ZNF423: variants seen among roughly 807,000 people sequenced by gnomAD.
The protein encoded by ZNF423 is zinc finger protein 423.
ZNF423 carries 12 observed loss-of-function variants against 95.8 expected under a neutral mutation model. The observed-to-expected ratio is 0.13, with a 90% CI of 0.08 to 0.20. The LOEUF is 0.20. Among genes scored for constraint, ZNF423 ranks in the 10% least tolerant of loss-of-function variants. The probability of loss-of-function intolerance (pLI) is 1.00; values close to 1 mark genes in which losing one functional copy is unlikely to be tolerated. For synonymous variants in ZNF423, 749 were observed against 711.9 expected, an observed-to-expected ratio of 1.05 and a Z score of -0.83; for missense variants, 1,316 against 1,737.1, an observed-to-expected ratio of 0.76 and a Z score of 4.31.
At chr16:49,826,851 C>T (rs890529748) in intron 1 of ZNF423, 5 of 152,114 alleles carry the variant, frequency 3.3e-5, no homozygotes, top group African/African-American at 9.7e-5. Context: ...ACCTGTGATA[C>T]TCAAGTAGGG....
At chr16:49,530,752 G>A (rs896141487) in intron 5 of ZNF423, among the ~76,000 whole-genome samples, 1 of 152,168 alleles carries the variant, frequency 6.6e-6, no homozygotes, top group Non-Finnish European at 1.5e-5. Context: ...TGAGGGCGTG[G>A]AGAGGCTCCC....
intron 7 of ZNF423, among the ~76,000 whole-genome samples, chr16:49,499,866 G>A (rs771450513): frequency 6.4e-4 from 97 of 152,158 alleles, no homozygotes; most frequent in Non-Finnish European, 1.1e-3. Context: ...GGAGGGAACC[G>A]AAGCCTTCTA....
intron 1 of ZNF423, among the ~76,000 whole-genome samples, chr16:49,798,818 C>T (rs1187893444): frequency 6.6e-6 from 1 of 152,172 alleles, no homozygotes; most frequent in Non-Finnish European, 1.5e-5. Flanking sequence ...AACTGTTGCC[C>T]TGGAGAATTG....
At chr16:49,808,592 C>T (rs1482943809) in intron 1 of ZNF423, among the ~76,000 whole-genome samples, 4 of 152,108 alleles carry the variant, frequency 2.6e-5, no homozygotes, top group Non-Finnish European at 4.4e-5. Flanking sequence ...TCCGGGAACC[C>T]ACTCAGCCCA....
At chr16:49,858,719 C>T (rs976972025), upstream of ZNF423, among the ~76,000 whole-genome samples, 5 of 120,458 alleles carry the variant, frequency 4.2e-5, no homozygotes, top group African/African-American at 1.2e-4. This position sits in a 1 kb window ranked among gnomAD's most constrained non-coding sequence, Gnocchi z 4.3. Context: ...GAATAGGAGC[C>T]CCCCCCCCCA....
chr16:49,532,584 T>C (rs528349892), intron 5 of ZNF423, among the ~76,000 whole-genome samples: 2 of 152,216 alleles, frequency 1.3e-5, no homozygotes, highest in Non-Finnish European at 2.9e-5. Context: ...AACAGAGCCC[T>C]GACAATTAGG....
intron 3 of ZNF423, among the ~76,000 whole-genome samples, chr16:49,660,534 G>C (rs2030158777): frequency 6.6e-6 from 1 of 152,182 alleles, no homozygotes; most frequent in South Asian, 2.1e-4. Flanking sequence ...AGCCTGACCT[G>C]ACCACCCTCC....
chr16:49,633,673 C>A (rs1353748010), intron 4 of ZNF423, among the ~76,000 whole-genome samples: 2 of 152,146 alleles, frequency 1.3e-5, no homozygotes, highest in South Asian at 2.1e-4. Flanking sequence ...CACCTATGCC[C>A]CCCTAGAAAG....
intron 5 of ZNF423, among the ~76,000 whole-genome samples, chr16:49,586,812 G>A (rs1328552151): frequency 5.3e-5 from 8 of 152,142 alleles, no homozygotes; most frequent in Admixed American, 2.0e-4. Flanking sequence ...TGGGACCTCC[G>A]AGCCAGTCCC....
rs559422732 is a variant in ZNF423 at position 49,507,280 on chromosome 16, C to T, written c.3850-15976G>A. Among the ~76,000 whole-genome samples the T allele has an allele frequency of 6.0e-5, 9 of 149,356 alleles. No homozygotes were observed. The South Asian group carries it at 1.9e-3, about 32-fold the overall frequency. On this transcript the variant is annotated intron_variant, in intron 7 of 7. Coordinates refer to ENST00000563137, the MANE Select transcript of ZNF423 (RefSeq NM_001379286.1). ...CACAGGGCTTTGTCATCTCTGTCAA[C>T]TAAAAAACATGGATGATCCCACATT...
intron 5 of ZNF423, among the ~76,000 whole-genome samples, chr16:49,538,391 C>T (rs1969127351): frequency 6.6e-6 from 1 of 152,184 alleles, no homozygotes; most frequent in Non-Finnish European, 1.5e-5. Flanking sequence ...ACACCTTCAT[C>T]AAAAAGCACA....
At chr16:49,500,449 G>C (rs1385636157) in intron 7 of ZNF423, among the ~76,000 whole-genome samples, 1 of 152,152 alleles carries the variant, frequency 6.6e-6, no homozygotes, top group Non-Finnish European at 1.5e-5. Flanking sequence ...GCCCCCGTGG[G>C]ACAGCTCATC....
intron 1 of ZNF423, among the ~76,000 whole-genome samples, chr16:49,844,907 T>C (rs1000066087): frequency 6.6e-6 from 1 of 151,788 alleles, no homozygotes; most frequent in Non-Finnish European, 1.5e-5. Flanking sequence ...TGGTGGCACA[T>C]GCCTGTAATC....
chr16:49,556,595 C>A (rs1969834447), intron 5 of ZNF423, among the ~76,000 whole-genome samples: 1 of 152,188 alleles, frequency 6.6e-6, no homozygotes, highest in African/African-American at 2.4e-5. Context: ...ACTCTGCAGC[C>A]TCCCCCTACC....
intron 5 of ZNF423, among the ~76,000 whole-genome samples, chr16:49,624,753 G>A (rs1047101747): frequency 5.3e-5 from 8 of 152,306 alleles, no homozygotes; most frequent in African/African-American, 1.9e-4. Flanking sequence ...GTGCAAACGA[G>A]TAGAAACTGT....
At chr16:49,535,692 A>G (rs900124029) in intron 5 of ZNF423, among the ~76,000 whole-genome samples, 4 of 152,136 alleles carry the variant, frequency 2.6e-5, no homozygotes, top group Non-Finnish European at 4.4e-5. Flanking sequence ...CCCTCCTCAC[A>G]CACATCCCCT....
At chr16:49,743,270 T>C (rs962756642) in intron 2 of ZNF423, among the ~76,000 whole-genome samples, 3 of 152,186 alleles carry the variant, frequency 2.0e-5, no homozygotes, top group African/African-American at 7.2e-5. Context: ...TCAGTGAATC[T>C]GCACCCCCAC....
intron 3 of ZNF423, among the ~76,000 whole-genome samples, chr16:49,681,589 G>A (rs140854534): frequency 8.1e-4 from 123 of 152,302 alleles, no homozygotes; most frequent in African/African-American, 2.8e-3. Context: ...AGGCCGGATC[G>A]TTTCACCACG....
chr16:49,557,957 C>T (rs1165559329), intron 5 of ZNF423, among the ~76,000 whole-genome samples: 1 of 152,194 alleles, frequency 6.6e-6, no homozygotes, highest in African/African-American at 2.4e-5. Context: ...GGCTGAGCCT[C>T]AAACAGGGAA....
Sources: allele counts gnomAD v4.1 joint callset (sites outside exome capture counted in the v4.1 genomes callset), GRCh38; gene constraint gnomAD v4.1.1; non-coding constraint Gnocchi (gnomAD v3.1); transcripts MANE v1.5; gene names NCBI Gene and HGNC (gene_info 2026-07-23, HGNC 2026-07-21).